The following ACTR3B variants were observed in gnomAD, a reference collection of about 807,000 sequenced individuals.
ACTR3B encodes the protein actin related protein 3B, also known as actin-related protein 3B.
In ACTR3B, 8 loss-of-function variants were observed where a neutral mutation model predicts 59.0. The observed-to-expected ratio is 0.14, with a 90% CI of 0.08 to 0.24. The LOEUF is 0.24. Ranked by LOEUF, ACTR3B falls within the 10% of genes least tolerant of loss-of-function variation. The probability of loss-of-function intolerance (pLI) is 1.00; values close to 1 mark genes in which losing one functional copy is unlikely to be tolerated. For synonymous variants in ACTR3B, 148 were observed against 197.9 expected (o/e 0.75, Z 2.12); for missense variants, 245 against 552.3 (o/e 0.44, Z 5.58).
chr7:152,835,969 A>G (rs921865174), intron 9 of ACTR3B, among the ~76,000 whole-genome samples: 3 of 148,400 alleles, frequency 2.0e-5, no homozygotes, highest in Admixed American at 6.8e-5. Flanking sequence ...ACGGCAGGCT[A>G]TGGGGCCTGG....
At chr7:152,818,208 C>T (rs1243001444) in intron 6 of ACTR3B, among the ~76,000 whole-genome samples, 2 of 152,184 alleles carry the variant, frequency 1.3e-5, no homozygotes, top group Non-Finnish European at 2.9e-5. Context: ...GGTTCTTTGC[C>T]TATTTCTTAT....
chr7:152,828,463 ACG>A (rs1796757173), intron 9 of ACTR3B, among the ~76,000 whole-genome samples: 2 of 152,138 alleles, frequency 1.3e-5, no homozygotes, highest in South Asian at 4.1e-4. Flanking sequence ...ACTCCCTGCT[ACG>A]CTCCCTTCTG....
At chr7:152,814,259 G>C (rs1795504504) in intron 4 of ACTR3B, 1 of 311,656 alleles carries the variant, frequency 3.2e-6, no homozygotes, top group Non-Finnish European at 5.9e-6. Flanking sequence ...TCAGTTTCGG[G>C]GTGTTTAGGT....
At position 152,826,015 on chromosome 7, in the gene ACTR3B, G is replaced by A. The variant is rs1563135174; in HGVS notation, c.951+893G>A. Among the ~76,000 whole-genome samples, 3 of 152,150 alleles carry A rather than the reference G, an allele frequency of 2.0e-5. No homozygotes were observed. The South Asian group carries it at 6.2e-4, about 32-fold the overall frequency. ...ATTAGCCTTCCTGCACCTTTAATCA[G>A]TCTTTGCTTGAGTGAGTCGCGCCGT... On this transcript the variant is annotated intron_variant, in intron 9 of 11. Coordinates refer to ENST00000256001, the MANE Select transcript of ACTR3B (RefSeq NM_020445.6).
chr7:152,784,608 CA>C (rs996322504), intron 2 of ACTR3B, among the ~76,000 whole-genome samples: 40 of 152,154 alleles, frequency 2.6e-4, no homozygotes, highest in Non-Finnish European at 5.0e-4. Flanking sequence ...GCTGCCATAA[CA>C]AAATACTAAA....
In ACTR3B at chr7:152,768,696, G is replaced by C. The variant is rs536141203; in HGVS notation, c.44+8770G>C. Reference sequence around the variant, plus strand: ...CCACCATGTTGGCCAGGCTGGTCTCGAACCCCTGACCTCAGGTGAGCCACC... The same window carrying C: ...CCACCATGTTGGCCAGGCTGGTCTCCAACCCCTGACCTCAGGTGAGCCACC... On this transcript the variant is annotated intron_variant, in intron 1 of 11. Coordinates refer to ENST00000256001, the MANE Select transcript of ACTR3B (RefSeq NM_020445.6). Among the ~76,000 whole-genome samples the C allele has an allele frequency of 2.0e-5, 3 of 152,070 alleles. No individual in the cohort carries two copies. The East Asian group carries it at 5.8e-4, about 29-fold the overall frequency.
At chr7:152,779,228 C>T (rs1206420929) in intron 1 of ACTR3B, among the ~76,000 whole-genome samples, 1 of 151,998 alleles carries the variant, frequency 6.6e-6, no homozygotes, top group Non-Finnish European at 1.5e-5. Flanking sequence ...AGATGCCCAG[C>T]CTTCTCTGGA....
At chr7:152,777,237 G>A (rs529824144) in intron 1 of ACTR3B, among the ~76,000 whole-genome samples, 8 of 152,094 alleles carry the variant, frequency 5.3e-5, no homozygotes, top group African/African-American at 1.7e-4. Flanking sequence ...CATTAAATTT[G>A]TAGGTAGATT....
intron 7 of ACTR3B, 118 bp from the exon 8 acceptor site, chr7:152,823,224 G>C: frequency 1.4e-6 from 2 of 1,397,610 alleles, no homozygotes; most frequent in Non-Finnish European, 1.9e-6. Context: ...CTAGAGTTAC[G>C]GTGGGGGCGG....
chr7:152,827,066 C>T (rs111959757), intron 9 of ACTR3B, among the ~76,000 whole-genome samples: 15 of 149,352 alleles, frequency 1.0e-4, no homozygotes, highest in Middle Eastern at 7.0e-3. Flanking sequence ...ACTGCAGCCT[C>T]GACCTCTCGG....
intron 6 of ACTR3B, among the ~76,000 whole-genome samples, chr7:152,818,041 C>G (rs1167056271): frequency 1.3e-5 from 2 of 152,186 alleles, no homozygotes; most frequent in Non-Finnish European, 2.9e-5. Flanking sequence ...GAGCCCCCTT[C>G]AAGCCAGTCT....
chr7:152,805,937 GGGTT>G (rs148914806), intron 4 of ACTR3B, among the ~76,000 whole-genome samples: 3,328 of 152,272 alleles, frequency 0.022, 116 homozygotes, highest in African/African-American at 0.071. Flanking sequence ...CCAGAAATAT[GGGTT>G]GGTTTTATGA....
intron 9 of ACTR3B, among the ~76,000 whole-genome samples, chr7:152,834,611 T>C (rs1012811567): frequency 6.6e-6 from 1 of 152,240 alleles, no homozygotes; most frequent in African/African-American, 2.4e-5. Flanking sequence ...TTTAAAAACA[T>C]GATTTGTAAT....
At chr7:152,846,660 A>T (rs1252532562) in intron 9 of ACTR3B, among the ~76,000 whole-genome samples, 4 of 141,018 alleles carry the variant, frequency 2.8e-5, no homozygotes, top group Non-Finnish European at 6.1e-5. Context: ...TGCAGTCTGT[A>T]GTGAGCTCTA....
At chr7:152,838,696 T>C (rs1797653591) in intron 9 of ACTR3B, among the ~76,000 whole-genome samples, 1 of 152,228 alleles carries the variant, frequency 6.6e-6, no homozygotes, top group African/African-American at 2.4e-5. Context: ...ATTTAAAAAG[T>C]AGTAATGCTT....
Sources: allele counts gnomAD v4.1 joint callset (sites outside exome capture counted in the v4.1 genomes callset), GRCh38; gene constraint gnomAD v4.1.1; transcripts MANE v1.5; gene names NCBI Gene and HGNC (gene_info 2026-07-23, HGNC 2026-07-21).